The following CDH13 variants were observed in gnomAD, a reference collection of about 807,000 sequenced individuals.
The protein encoded by CDH13 is cadherin 13, also known as cadherin-13.
In CDH13, 24 loss-of-function variants were observed where a neutral mutation model predicts 63.8. The ratio of observed to expected loss-of-function variants is 0.38; its 90% CI spans 0.27 to 0.53. CDH13 has a LOEUF of 0.53. Ranked by LOEUF, CDH13 falls within the 20% of genes least tolerant of loss-of-function variation. CDH13 has a pLI of 0.85. For synonymous variants in CDH13, 503 were observed against 355.3 expected (o/e 1.42, Z -4.67); for missense variants, 1,049 against 903.1 (o/e 1.16, Z -2.07).
At chr16:83,156,920 C>T (rs1248342137) in intron 4 of CDH13, among the ~76,000 whole-genome samples, 3 of 152,162 alleles carry the variant, frequency 2.0e-5, no homozygotes, top group African/African-American at 7.2e-5. Flanking sequence ...ATAAGGTCTG[C>T]TTTTTTCCCA....
intron 3 of CDH13, among the ~76,000 whole-genome samples, chr16:83,103,849 T>G (rs565949009): frequency 6.6e-6 from 1 of 152,184 alleles, no homozygotes; most frequent in Non-Finnish European, 1.5e-5. Flanking sequence ...CTAGAACACA[T>G]TGATGTTTAA....
At chr16:82,668,486 C>T (rs888797874) in intron 1 of CDH13, among the ~76,000 whole-genome samples, 1 of 152,176 alleles carries the variant, frequency 6.6e-6, no homozygotes, top group Non-Finnish European at 1.5e-5. Flanking sequence ...CCCAAAGCTA[C>T]AGCTCAGGGA....
chr16:82,774,581 C>G lies in CDH13; in HGVS notation c.46-83781C>G, dbSNP rs183571652. The stretch of plus-strand genomic sequence containing the variant: ...GCATTTATTGAAAATTTCCTTGGTG[C>G]TCATCTCTGTGCCATGTCCTTTCAT... On this transcript the variant is annotated intron_variant, in intron 1 of 13. Coordinates refer to ENST00000567109, the MANE Select transcript of CDH13 (RefSeq NM_001257.5). 3.3e-3 allele frequency among the ~76,000 whole-genome samples: 502 copies of G among 152,298 alleles called. 4 individuals carry two copies. Among genetic ancestry groups the G allele is most frequent in the Middle Eastern group, 0.031 (9 of 294 alleles).
chr16:82,863,171 A>G (rs1458797038), intron 2 of CDH13, among the ~76,000 whole-genome samples: 1 of 152,206 alleles, frequency 6.6e-6, no homozygotes, highest in Non-Finnish European at 1.5e-5. Flanking sequence ...AGAGACAGAA[A>G]TGGACCACAA....
intron 4 of CDH13, among the ~76,000 whole-genome samples, chr16:83,129,441 A>G (rs545356449): frequency 6.6e-6 from 1 of 152,204 alleles, no homozygotes; most frequent in African/African-American, 2.4e-5. Context: ...TAATAAAGTA[A>G]GGGAGAGACG....
intron 10 of CDH13, among the ~76,000 whole-genome samples, chr16:83,718,850 G>C (rs184892647): frequency 6.6e-6 from 1 of 152,242 alleles, no homozygotes; most frequent in Admixed American, 6.5e-5. Context: ...TATTCTTCTT[G>C]TCTCATGGGG....
At chr16:83,283,547 C>T (rs1028182857) in intron 5 of CDH13, among the ~76,000 whole-genome samples, 4 of 152,118 alleles carry the variant, frequency 2.6e-5, no homozygotes, top group Admixed American at 6.5e-5. Flanking sequence ...GCCAAGATTG[C>T]GCTACTGCAC....
chr16:83,603,468 C>G (rs779819470), intron 8 of CDH13, among the ~76,000 whole-genome samples: 3 of 152,128 alleles, frequency 2.0e-5, no homozygotes, highest in Non-Finnish European at 4.4e-5. Flanking sequence ...CTCAGAGAAT[C>G]CAGAGAACAA....
At chr16:83,524,918 C>A (rs1392623895) in intron 7 of CDH13, among the ~76,000 whole-genome samples, 1 of 152,066 alleles carries the variant, frequency 6.6e-6, no homozygotes, top group African/African-American at 2.4e-5. Context: ...GGCTGTAAAT[C>A]CTGAATGCGC....
At chr16:83,189,788 A>C (rs1021146110) in intron 4 of CDH13, among the ~76,000 whole-genome samples, 1 of 152,170 alleles carries the variant, frequency 6.6e-6, no homozygotes, top group African/African-American at 2.4e-5. Flanking sequence ...ACCTAATTCT[A>C]ACCTTGAATT....
chr16:83,237,523 C>T (rs1004531038), intron 5 of CDH13, among the ~76,000 whole-genome samples: 1 of 152,238 alleles, frequency 6.6e-6, no homozygotes, highest in Non-Finnish European at 1.5e-5. Context: ...AGCATTTGAA[C>T]TGCAGCTAGT....
intron 5 of CDH13, among the ~76,000 whole-genome samples, chr16:83,224,808 C>A (rs949287224): frequency 6.6e-6 from 1 of 152,136 alleles, no homozygotes; most frequent in Non-Finnish European, 1.5e-5. Flanking sequence ...ACAGTGTTAT[C>A]ATTAGTGGGT....
At chr16:83,632,674 A>G (rs1390829869) in intron 8 of CDH13, among the ~76,000 whole-genome samples, 2 of 150,094 alleles carry the variant, frequency 1.3e-5, no homozygotes, top group Non-Finnish European at 3.0e-5. Context: ...GTCCAGATCC[A>G]GATCCCAAGA....
At chr16:83,215,536 T>C (rs1226092505) in intron 4 of CDH13, among the ~76,000 whole-genome samples, 1 of 150,230 alleles carries the variant, frequency 6.7e-6, no homozygotes, top group African/African-American at 2.4e-5. Flanking sequence ...TGAGTGATCC[T>C]GCCAGATGAA....
chr16:83,482,934 C>A (rs1709789911), intron 6 of CDH13, among the ~76,000 whole-genome samples: 1 of 152,186 alleles, frequency 6.6e-6, no homozygotes, highest in Admixed American at 6.5e-5. Flanking sequence ...CCTGCACTGC[C>A]ATAATTGGCT....
chr16:82,996,691 C>A (rs1382228607), intron 2 of CDH13, among the ~76,000 whole-genome samples: 1 of 152,004 alleles, frequency 6.6e-6, no homozygotes, highest in Non-Finnish European at 1.5e-5. Context: ...TTTAGGATAT[C>A]TTAGAAAATC....
chr16:83,315,081 A>G (rs1428035602), intron 5 of CDH13, among the ~76,000 whole-genome samples: 1 of 152,232 alleles, frequency 6.6e-6, no homozygotes, highest in Non-Finnish European at 1.5e-5. Flanking sequence ...AGTGATAGTG[A>G]GGAATAACAG....
intron 5 of CDH13, among the ~76,000 whole-genome samples, chr16:83,238,321 GCGGCAGGCAAGAGAGCGTGTGC>G (rs2151811634): frequency 6.6e-6 from 1 of 152,280 alleles, no homozygotes; most frequent in East Asian, 1.9e-4. Context: ...ATCTTACATG[GCGGCAGGCAAGAGAGCGTGTGC>G]AGGGGAACTG....
At chr16:82,898,620 C>G (rs1354914890) in intron 2 of CDH13, among the ~76,000 whole-genome samples, 1 of 152,168 alleles carries the variant, frequency 6.6e-6, no homozygotes, top group African/African-American at 2.4e-5. Flanking sequence ...CCAGAGGTTT[C>G]TGAGGTCACA....
Sources: allele counts gnomAD v4.1 joint callset (sites outside exome capture counted in the v4.1 genomes callset), GRCh38; gene constraint gnomAD v4.1.1; transcripts MANE v1.5; gene names NCBI Gene and HGNC (gene_info 2026-07-23, HGNC 2026-07-21).